Variants in DLGAP1 observed in about 807,000 individuals in gnomAD.
The protein encoded by DLGAP1 is DLG associated protein 1.
In DLGAP1, 11 loss-of-function variants were observed where a neutral mutation model predicts 90.8. That is an observed-to-expected ratio of 0.12 (90% CI 0.08 to 0.20). DLGAP1 has a LOEUF of 0.20. DLGAP1 is among the 10% of genes least tolerant of loss of function. DLGAP1 has a pLI of 1.00. For synonymous variants in DLGAP1, 558 were observed against 540.7 expected, an observed-to-expected ratio of 1.03 and a Z score of -0.44; for missense variants, 1,050 against 1,333.8, an observed-to-expected ratio of 0.79 and a Z score of 3.31.
intron 7 of DLGAP1, among the ~76,000 whole-genome samples, chr18:3,638,145 C>T (rs927638370): frequency 4.6e-5 from 7 of 151,674 alleles, no homozygotes; most frequent in African/African-American, 1.7e-4. Flanking sequence ...GACAGGGTTT[C>T]ACCGTGTTAG....
At chr18:4,354,195 A>G (rs1042288242) in intron 1 of DLGAP1, among the ~76,000 whole-genome samples, 1 of 152,220 alleles carries the variant, frequency 6.6e-6, no homozygotes, top group African/African-American at 2.4e-5. Context: ...CCCACAAGGC[A>G]GATGATAGAA....
intron 7 of DLGAP1, among the ~76,000 whole-genome samples, chr18:3,676,499 G>A (rs920979138): frequency 2.0e-5 from 3 of 151,974 alleles, no homozygotes; most frequent in Non-Finnish European, 4.4e-5. Context: ...TTCCTGCCGC[G>A]AGATGACAAA....
intron 4 of DLGAP1, among the ~76,000 whole-genome samples, chr18:3,865,610 C>T (rs1366879955): frequency 6.6e-6 from 1 of 151,958 alleles, no homozygotes; most frequent in Non-Finnish European, 1.5e-5. Context: ...CAAGAGAAGA[C>T]CAAAGGAAAT....
At chr18:3,654,181 C>T (rs754918325) in intron 7 of DLGAP1, among the ~76,000 whole-genome samples, 13 of 152,100 alleles carry the variant, frequency 8.5e-5, no homozygotes, top group African/African-American at 2.4e-4. Context: ...TTCTGGTATC[C>T]GCAGCCACTC....
chr18:3,741,218 C>T (rs1236589405), intron 6 of DLGAP1, among the ~76,000 whole-genome samples: 1 of 112,252 alleles, frequency 8.9e-6, no homozygotes, highest in Non-Finnish European at 1.8e-5. Flanking sequence ...CCACCACCAC[C>T]ACATCACCAT....
At chr18:3,582,433 A>G (rs1030732041) in intron 7 of DLGAP1, among the ~76,000 whole-genome samples, 185 bp from the exon 8 acceptor site, 2 of 152,102 alleles carry the variant, frequency 1.3e-5, no homozygotes, top group Non-Finnish European at 2.9e-5. Context: ...CTCTGAGGTG[A>G]CACCTCCACA....
At chr18:4,008,640 T>TTTTATTCTCA (rs2074354123) in intron 2 of DLGAP1, among the ~76,000 whole-genome samples, 1 of 152,202 alleles carries the variant, frequency 6.6e-6, no homozygotes. Flanking sequence ...TGTGAAAGTG[T>TTTTATTCTCA]TTTATTCTCA....
intron 7 of DLGAP1, among the ~76,000 whole-genome samples, chr18:3,674,756 C>G (rs1336921394): frequency 6.6e-6 from 1 of 152,000 alleles, no homozygotes; most frequent in Non-Finnish European, 1.5e-5. Context: ...CTACTCTTCT[C>G]ACCTCCACTA....
chr18:3,784,305 C>A (rs2065343264), intron 5 of DLGAP1, among the ~76,000 whole-genome samples: 1 of 152,150 alleles, frequency 6.6e-6, no homozygotes, highest in South Asian at 2.1e-4. Context: ...CTTGGACCCC[C>A]CCTAGTTGTT....
chr18:3,749,655 T>C (rs1266761605), intron 5 of DLGAP1, among the ~76,000 whole-genome samples: 3 of 152,200 alleles, frequency 2.0e-5, no homozygotes, highest in Admixed American at 6.5e-5. Flanking sequence ...CCAAATCTAT[T>C]TGTAGTCTAG....
chr18:4,061,832 C>T lies in DLGAP1; in HGVS notation c.-158-56631G>A, dbSNP rs181827463. Among the ~76,000 whole-genome samples, 647 of 148,226 alleles carry T rather than the reference C, an allele frequency of 4.4e-3. 4 individuals are homozygous for T. The highest frequency in any genetic ancestry group is 7.4e-3 in the Non-Finnish European group (501 of 67,552). On this transcript the variant is annotated intron_variant, in intron 2 of 12. Coordinates refer to ENST00000315677, the MANE Select transcript of DLGAP1 (RefSeq NM_004746.4). ...AGCTGTGTCTTTGACTGTGGCTTCC[C>T]TAGGACTTTTTGTCATCCACAGACA...
chr18:3,772,092 CCTTT>C (rs954833098), intron 5 of DLGAP1, among the ~76,000 whole-genome samples: 48 of 152,076 alleles, frequency 3.2e-4, no homozygotes, highest in African/African-American at 7.5e-4. Context: ...AAAACCTAAG[CCTTT>C]CTTTCTTTTC....
At chr18:4,167,667 C>T (rs2076954357) in intron 1 of DLGAP1, among the ~76,000 whole-genome samples, 1 of 152,158 alleles carries the variant, frequency 6.6e-6, no homozygotes, top group African/African-American at 2.4e-5. Flanking sequence ...AGCTGAACAA[C>T]ACAGTGAAAT....
chr18:4,137,456 G>A, intron 2 of DLGAP1, among the ~76,000 whole-genome samples: 1 of 152,098 alleles, frequency 6.6e-6, no homozygotes, highest in East Asian at 1.9e-4. Context: ...GATTTGTTTT[G>A]TGGGTTCCCC....
At chr18:4,267,942 G>A (rs74882428) in intron 1 of DLGAP1, among the ~76,000 whole-genome samples, 2,953 of 152,266 alleles carry the variant, frequency 0.019, 98 homozygotes, top group African/African-American at 0.068. Flanking sequence ...ATCTTGGAAG[G>A]GACATACTAT....
At chr18:4,007,411 T>C (rs2074324691) in intron 2 of DLGAP1, among the ~76,000 whole-genome samples, 1 of 152,130 alleles carries the variant, frequency 6.6e-6, no homozygotes, top group South Asian at 2.1e-4. Context: ...ATCCTAGCAC[T>C]TGGGAGGCAG....
At chr18:3,950,162 C>A (rs566571389) in intron 3 of DLGAP1, among the ~76,000 whole-genome samples, 3 of 152,270 alleles carry the variant, frequency 2.0e-5, no homozygotes, top group South Asian at 4.1e-4. Context: ...AAAAATCCCA[C>A]AAAATGAGTT....
intron 1 of DLGAP1, among the ~76,000 whole-genome samples, chr18:4,302,048 C>T (rs1479879683): frequency 1.3e-5 from 2 of 152,158 alleles, no homozygotes; most frequent in African/African-American, 4.8e-5. Flanking sequence ...AACCACTTAT[C>T]AGATGTGTGG....
chr18:3,784,268 A>G (rs2065340907), intron 5 of DLGAP1, among the ~76,000 whole-genome samples: 4 of 152,126 alleles, frequency 2.6e-5, no homozygotes, highest in African/African-American at 9.7e-5. Flanking sequence ...TTAGGCGCAC[A>G]AGGCACCTCA....
Sources: gnomAD v4.1 joint callset for allele counts (sites outside exome capture counted in the v4.1 genomes callset) on GRCh38, gnomAD v4.1.1 for gene constraint, MANE v1.5 for transcripts, NCBI Gene and HGNC (gene_info 2026-07-23, HGNC 2026-07-21) for gene names.